CIMAP2: variants seen among roughly 807,000 people sequenced by gnomAD.
The protein encoded by CIMAP2 is ciliary microtubule associated protein 2.
the CIMAP2 span, among the ~76,000 whole-genome samples, chr1:54,823,235 T>G: frequency 2.5e-4 from 38 of 152,356 alleles, no homozygotes; most frequent in Non-Finnish European, 8.8e-5. Flanking sequence ...TTGCCTTATG[T>G]ATCTAAGTGC....
chr1:54,836,301 CTG>C, the CIMAP2 span, among the ~76,000 whole-genome samples: 1 of 180 alleles, frequency 5.6e-3, no homozygotes, highest in Non-Finnish European at 0.013. Flanking sequence ...GCCTGCCTGC[CTG>C]CCTGCCTGCC....
the CIMAP2 span, among the ~76,000 whole-genome samples, chr1:54,840,187 C>T: frequency 2.0e-5 from 3 of 152,224 alleles, no homozygotes; most frequent in African/African-American, 7.2e-5. Context: ...TTCTACCATC[C>T]CTGGAGTTTT....
chr1:54,811,765 G>GCCGGGGGGGGGGGGGGGGC, the CIMAP2 span: 1 of 1,301,328 alleles, frequency 7.7e-7, no homozygotes, highest in Non-Finnish European at 1.1e-6. Context: ...GGTTCTGACA[G>GCCGGGGGGGGGGGGGGGGC]CCTCCATGCC....
At chr1:54,811,773 G>GCCGC in the CIMAP2 span, 2 of 1,325,052 alleles carry the variant, frequency 1.5e-6, no homozygotes, top group South Asian at 1.3e-5. Context: ...CAGCCTCCAT[G>GCCGC]CCCCCACCCC....
the CIMAP2 span, among the ~76,000 whole-genome samples, chr1:54,825,469 T>A: frequency 6.6e-6 from 1 of 152,168 alleles, no homozygotes; most frequent in Non-Finnish European, 1.5e-5. Context: ...ATGATCAGCA[T>A]CAGTGGTGTC....
chr1:54,824,242 A>G, the CIMAP2 span, among the ~76,000 whole-genome samples: 60,254 of 152,002 alleles, frequency 0.4, 12,717 homozygotes, highest in African/African-American at 0.53. Context: ...TGCCTAGGCA[A>G]GTCTTGAACT....
chr1:54,809,598 A>C, the CIMAP2 span, among the ~76,000 whole-genome samples: 1 of 152,294 alleles, frequency 6.6e-6, no homozygotes, highest in South Asian at 2.1e-4. Flanking sequence ...CAAGGTCATG[A>C]AGCTACCAAC....
chr1:54,819,182 G>A, the CIMAP2 span, among the ~76,000 whole-genome samples: 1 of 152,130 alleles, frequency 6.6e-6, no homozygotes, highest in African/African-American at 2.4e-5. Flanking sequence ...CTGGGTGGGG[G>A]TAAGTGTGGT....
the CIMAP2 span, chr1:54,811,772 T>TCCCTCCCC: frequency 2.2e-6 from 1 of 454,868 alleles, no homozygotes; most frequent in Admixed American, 2.9e-5. Context: ...ACAGCCTCCA[T>TCCCTCCCC]GCCCCCACCC....
the CIMAP2 span, chr1:54,811,768 T>TGCATGCCCCCCCCCCCCCCCC: frequency 9.4e-6 from 5 of 533,346 alleles, no homozygotes; most frequent in South Asian, 1.4e-5. Flanking sequence ...TCTGACAGCC[T>TGCATGCCCCCCCCCCCCCCCC]CCATGCCCCC....
At chr1:54,811,772 T>TACCCC in the CIMAP2 span, 3 of 454,868 alleles carry the variant, frequency 6.6e-6, no homozygotes, top group East Asian at 4.7e-5. Context: ...ACAGCCTCCA[T>TACCCC]GCCCCCACCC....
the CIMAP2 span, among the ~76,000 whole-genome samples, chr1:54,824,895 G>A: frequency 6.7e-6 from 1 of 150,302 alleles, no homozygotes; most frequent in Non-Finnish European, 1.5e-5. Flanking sequence ...TTTTGTTTGG[G>A]ATCTGTTACT....
the CIMAP2 span, among the ~76,000 whole-genome samples, chr1:54,839,392 C>T: frequency 9.1e-3 from 6 of 658 alleles, no homozygotes; most frequent in East Asian, 0.059. Flanking sequence ...ATTTATTTTT[C>T]GAGACAGTTT....
At chr1:54,819,667 G>A in the CIMAP2 span, among the ~76,000 whole-genome samples, 68 of 152,072 alleles carry the variant, frequency 4.5e-4, no homozygotes, top group Non-Finnish European at 7.1e-4. Flanking sequence ...CACTGTGCCC[G>A]GCCTCACCTG....
At chr1:54,823,380 A>G in the CIMAP2 span, among the ~76,000 whole-genome samples, 1 of 151,420 alleles carries the variant, frequency 6.6e-6, no homozygotes, top group Non-Finnish European at 1.5e-5. Context: ...TTTGCCTGAT[A>G]TAAGTATAGC....
the CIMAP2 span, among the ~76,000 whole-genome samples, chr1:54,835,632 C>T: frequency 6.6e-6 from 1 of 152,194 alleles, no homozygotes; most frequent in African/African-American, 2.4e-5. Flanking sequence ...GGCATTGATG[C>T]ATATATTTCT....
the CIMAP2 span, among the ~76,000 whole-genome samples, chr1:54,826,908 G>A: frequency 4.1e-3 from 631 of 152,366 alleles, 3 homozygotes; most frequent in Non-Finnish European, 6.4e-3. Flanking sequence ...GAGGAGGCAA[G>A]TGCTTCGCAC....
the CIMAP2 span, chr1:54,811,957 G>A: frequency 1.2e-6 from 2 of 1,614,046 alleles, no homozygotes; most frequent in South Asian, 2.2e-5. Flanking sequence ...GCCAGGCCTT[G>A]CCTGCCTTCC....
the CIMAP2 span, chr1:54,806,949 C>T: frequency 1.3e-6 from 2 of 1,552,198 alleles, 1 homozygote; most frequent in South Asian, 2.2e-5. Flanking sequence ...CACGCCAGGG[C>T]CAGGTGCCAG....
Sources: gnomAD v4.1 joint callset for allele counts (sites outside exome capture counted in the v4.1 genomes callset) on GRCh38, gnomAD v4.1.1 for gene constraint, MANE v1.5 for transcripts, NCBI Gene and HGNC (gene_info 2026-07-23, HGNC 2026-07-21) for gene names.